The following ZDHHC1 variants were observed in gnomAD, a reference collection of about 807,000 sequenced individuals.
The protein encoded by ZDHHC1 is zDHHC palmitoyltransferase 1, also known as palmitoyltransferase ZDHHC1.
In ZDHHC1, 45 loss-of-function variants were observed where a neutral mutation model predicts 46.9. The observed-to-expected ratio is 0.96, with a 90% CI of 0.76 to 1.23. ZDHHC1 has a LOEUF of 1.23. Among genes scored for constraint, ZDHHC1 ranks in the 50% most tolerant of loss-of-function variants. The pLI is 0.00. For synonymous variants in ZDHHC1, 291 were observed against 286.0 expected (o/e 1.02, Z -0.18); for missense variants, 649 against 670.8 (o/e 0.97, Z 0.36).
chr16:67,415,510 G>A (rs916152755), intron 1 of ZDHHC1, among the ~76,000 whole-genome samples: 1 of 151,818 alleles, frequency 6.6e-6, no homozygotes, highest in African/African-American at 2.4e-5. Flanking sequence ...TAATCCCAAC[G>A]CTTTCGGAGG....
chr16:67,394,681 G>GC lies in ZDHHC1; in HGVS notation c.1377dup (p.Pro460AlafsTer39), dbSNP rs1214686491. 8.0e-7 allele frequency: 1 copy of GC among 1,256,824 alleles called. No homozygotes were observed. Among genetic ancestry groups the GC allele is most frequent in the African/African-American group, 1.6e-5 (1 of 63,664 alleles). 77.9% of individuals were successfully genotyped at this position (1,256,824 alleles called of 1,614,324 possible). On this transcript the variant is annotated frameshift_variant, in exon 12 of 12. Coordinates refer to ENST00000565726, the MANE Select transcript of ZDHHC1 (RefSeq NM_001323627.2). LOFTEE classifies it low-confidence loss of function (END_TRUNC). ...CTGCTCGGGCTCACGAAAACGGCGG[G>GC]CGCACGCGCCTGCCGCGCCAGCGTG...
At chr16:67,413,657 T>C (rs985577867) in intron 1 of ZDHHC1, among the ~76,000 whole-genome samples, 3 of 152,170 alleles carry the variant, frequency 2.0e-5, no homozygotes, top group Admixed American at 6.5e-5. Context: ...AGTCTGATGC[T>C]GGTTGGACCC....
intron 1 of ZDHHC1, among the ~76,000 whole-genome samples, chr16:67,410,053 G>A (rs975053364): frequency 3.3e-5 from 5 of 152,284 alleles, no homozygotes; most frequent in Non-Finnish European, 7.4e-5. Context: ...TGAAGGAGTT[G>A]CGGGGCTCAG....
At chr16:67,404,426 AGGTG>A (rs1256734367) in intron 3 of ZDHHC1, 2 of 273,082 alleles carry the variant, frequency 7.3e-6, no homozygotes, top group Non-Finnish European at 1.5e-5. Flanking sequence ...TCCAGGCCCA[AGGTG>A]GGTACCTGGT....
In ZDHHC1 at chr16:67,406,622, C is replaced by CT. The variant is rs1317524767; in HGVS notation, c.10-181dup. 6.6e-6 allele frequency among the ~76,000 whole-genome samples: 1 copy of CT among 152,152 alleles called. No individual in the cohort carries two copies. The highest frequency in any genetic ancestry group is 2.4e-5 in the African/African-American group (1 of 41,416). On this transcript the variant is annotated intron_variant, in intron 2 of 11. Transcript: ENST00000565726. The surrounding 1 kb of genome is among the most constrained non-coding windows in gnomAD (Gnocchi z 4.1). ...GTGGGGAGAGGGTGGGAGTGGGCTG[C>CT]TGTCTCAAAGCCCAAAGCAAACCCT...
intron 1 of ZDHHC1, among the ~76,000 whole-genome samples, chr16:67,408,687 T>C (rs749903454): frequency 7.2e-5 from 11 of 152,106 alleles, no homozygotes; most frequent in Non-Finnish European, 1.6e-4. Flanking sequence ...AGTCCCACTA[T>C]GTTGCCCAGG....
intron 1 of ZDHHC1, among the ~76,000 whole-genome samples, chr16:67,410,227 T>C (rs1449118309): frequency 2.0e-5 from 3 of 152,092 alleles, no homozygotes; most frequent in Non-Finnish European, 4.4e-5. Context: ...GGCACCACAG[T>C]GGCCCAGCAG....
intron 3 of ZDHHC1, among the ~76,000 whole-genome samples, chr16:67,403,654 G>A (rs529297737): frequency 6.6e-4 from 100 of 151,706 alleles, no homozygotes; most frequent in Non-Finnish European, 1.2e-3. Context: ...CTGTTGCCCA[G>A]GCTGGAGTGC....
At chr16:67,407,838 C>G in intron 1 of ZDHHC1, 25 bp from the exon 2 acceptor site, 1 of 773,550 alleles carries the variant, frequency 1.3e-6, no homozygotes, top group Non-Finnish European at 2.4e-6. Flanking sequence ...AACGTGGGCA[C>G]AGTAAATGGT....
chr16:67,407,524 A>T (rs1169117825), intron 2 of ZDHHC1, among the ~76,000 whole-genome samples: 1 of 152,200 alleles, frequency 6.6e-6, no homozygotes. Flanking sequence ...CCACAGAATG[A>T]GGCTTGATCT....
chr16:67,401,665 T>G lies in ZDHHC1; in HGVS notation c.253-533A>C, dbSNP rs988469226. Among the ~76,000 whole-genome samples the G allele has an allele frequency of 1.3e-5, 2 of 152,156 alleles. No individual in the cohort carries two copies. The highest frequency in any genetic ancestry group is 4.8e-5 in the African/African-American group (2 of 41,432). On this transcript the variant is annotated intron_variant, in intron 3 of 11. Transcript: ENST00000565726. This position sits in a 1 kb window ranked among gnomAD's most constrained non-coding sequence, Gnocchi z 4.6. Reference sequence around the variant, plus strand: ...TGCAGACACGGATTCGGACACTTGCTACCTCCCCTACCAAGAATCTAGGCA... The same window carrying G: ...TGCAGACACGGATTCGGACACTTGCGACCTCCCCTACCAAGAATCTAGGCA...
At chr16:67,414,577 G>C (rs1190664832) in intron 1 of ZDHHC1, among the ~76,000 whole-genome samples, 1 of 152,220 alleles carries the variant, frequency 6.6e-6, no homozygotes, top group Non-Finnish European at 1.5e-5. Flanking sequence ...TGTTTCAGTG[G>C]AATTCACTCA....
At chr16:67,396,379 G>A (rs1392514838) in intron 8 of ZDHHC1, 1 of 152,306 alleles carries the variant, frequency 6.6e-6, no homozygotes, top group African/African-American at 2.4e-5. Flanking sequence ...CCCGGGCGGG[G>A]TGGGAGCCGG....
Position 67,406,323 on chromosome 16 carries a change from C to A in ZDHHC1, c.129G>T (p.Gly43=). ...GGAGCGGGTGAGGGGGCCAGCTCCACCCATTCCGGCGGGATCGCTGGCCCT... is the reference window on the plus strand; with the variant it reads ...GGAGCGGGTGAGGGGGCCAGCTCCAACCATTCCGGCGGGATCGCTGGCCCT... The part of the protein sequence containing the change: ...ELQGQRSRRN[G]WSWPPHPLQI... The change falls in exon 3 of 12, where the codon GGG becomes GGT. Residue 43 remains glycine, a synonymous_variant. Transcript: ENST00000565726. This position sits in a 1 kb window ranked among gnomAD's most constrained non-coding sequence, Gnocchi z 4.1. 6.2e-7 allele frequency: 1 copy of A among 1,601,934 alleles called. No individual in the cohort carries two copies. Among genetic ancestry groups the A allele is most frequent in the South Asian group, 1.1e-5 (1 of 88,908 alleles).
At chr16:67,395,956 C>T (rs1597530362) in intron 8 of ZDHHC1, 1 of 213,774 alleles carries the variant, frequency 4.7e-6, no homozygotes, top group Non-Finnish European at 9.5e-6. Context: ...AGAAACAGGC[C>T]TGAGTGTGCA....
Position 67,394,477 on chromosome 16 carries a change from G to C in ZDHHC1, c.*133C>G. On this transcript the variant is annotated 3_prime_UTR_variant, in exon 12 of 12. Transcript: ENST00000565726. ...CACAGCCGGTGGGGCGGGTATTGCT[G>C]AGTCGTGGGGGAGGGAGGCCGATCC... The C allele has an allele frequency of 1.4e-6, 1 of 728,006 alleles. No individual in the cohort carries two copies. Among genetic ancestry groups the C allele is most frequent in the Non-Finnish European group, 1.8e-6 (1 of 563,032 alleles). 45.1% of individuals were successfully genotyped at this position (728,006 alleles called of 1,614,324 possible). A position where few individuals can be genotyped will look rare whatever the true frequency, so the allele number is the denominator to read the frequency against.
In ZDHHC1 at chr16:67,395,042, C is replaced by T; in HGVS notation, c.1125G>A (p.Val375=). Reference sequence around the variant, plus strand: ...AGGTCTCAGACGTTCGCACTTTATACACGCGCCTCTTCCTCTTTTTCTGCA... The same window carrying T: ...AGGTCTCAGACGTTCGCACTTTATATACGCGCCTCTTCCTCTTTTTCTGCA... The part of the protein sequence containing the change: ...IRPQKKRKRR[V]YKVRTSETSD... Residue 375 remains valine, a synonymous_variant, in exon 11 of 12, where the codon GTG becomes GTA. Transcript: ENST00000565726. 1.2e-6 allele frequency: 2 copies of T among 1,613,088 alleles called. No individual in the cohort carries two copies. Among genetic ancestry groups the T allele is most frequent in the Non-Finnish European group, 1.7e-6 (2 of 1,179,818 alleles).
At chr16:67,396,774 C>T (rs1388000254) in intron 8 of ZDHHC1, among the ~76,000 whole-genome samples, 2 of 152,200 alleles carry the variant, frequency 1.3e-5, no homozygotes, top group African/African-American at 2.4e-5. Context: ...TTTTCTGCCC[C>T]AGTGTGGACT....
chr16:67,398,316 T>TCA lies in ZDHHC1; in HGVS notation c.822_823insTG (p.Lys275Ter). On this transcript the variant is annotated frameshift_variant, in exon 8 of 12. Transcript: ENST00000565726. LOFTEE classifies it high-confidence loss of function. ...ACGATGTACTCATAGGTGGTGAGCT[T>TCA]GTGCCACACTGGTGGGGGGAGGAGA... 6.2e-7 allele frequency: 1 copy of TCA among 1,613,268 alleles called. No individual in the cohort carries two copies. Among genetic ancestry groups the TCA allele is most frequent in the East Asian group, 2.2e-5 (1 of 44,886 alleles).
Sources: gnomAD v4.1 joint callset for allele counts (sites outside exome capture counted in the v4.1 genomes callset) on GRCh38, gnomAD v4.1.1 for gene constraint, Gnocchi (gnomAD v3.1) non-coding constraint, MANE v1.5 for transcripts, NCBI Gene and HGNC (gene_info 2026-07-23, HGNC 2026-07-21) for gene names.